DHRS7: variants seen among roughly 807,000 people sequenced by gnomAD.
DHRS7 encodes the protein dehydrogenase/reductase 7, also known as dehydrogenase/reductase SDR family member 7.
DHRS7 carries 34 observed loss-of-function variants against 38.9 expected under a neutral mutation model. The ratio of observed to expected loss-of-function variants is 0.87; its 90% CI spans 0.66 to 1.16. The LOEUF is 1.16. Ranked by LOEUF, DHRS7 falls within the 50% of genes most tolerant of loss-of-function variation. The probability of loss-of-function intolerance (pLI) is 0.00; values close to 1 mark genes in which losing one functional copy is unlikely to be tolerated. For missense variants in DHRS7, 421 were observed against 407.0 expected, an observed-to-expected ratio of 1.03 and a Z score of -0.30; for synonymous variants, 158 against 153.1, an observed-to-expected ratio of 1.03 and a Z score of -0.24.
chr14:60,155,551 T>C (rs1368650158), intron 2 of DHRS7, among the ~76,000 whole-genome samples: 1 of 152,214 alleles, frequency 6.6e-6, no homozygotes, highest in Non-Finnish European at 1.5e-5. Context: ...TTGTATTTTT[T>C]AAAGCTAATT....
intron 6 of DHRS7, chr14:60,147,875 C>G (rs1248692510): frequency 6.6e-6 from 1 of 152,232 alleles, no homozygotes; most frequent in African/African-American, 2.4e-5. Context: ...TCAACTCTTT[C>G]CATCACTGGG....
In DHRS7 at chr14:60,156,036, C is replaced by G; in HGVS notation, c.250G>C (p.Val84Leu). Residue 84 changes from valine to leucine, a missense_variant, in exon 2 of 7, where the codon GTG (valine) becomes CTG (leucine). Val to Leu is a conservative substitution (Grantham distance 32). Coordinates refer to ENST00000557185, the MANE Select transcript of DHRS7 (RefSeq NM_016029.4). ...GVSLVLSARR[V>L]HELERVKRRC... ...CTTTTCACCCTTTCCAGCTCATGCACTCTTCTGGCTGACAGCACAAGAGAA... is the reference window on the plus strand; with the variant it reads ...CTTTTCACCCTTTCCAGCTCATGCAGTCTTCTGGCTGACAGCACAAGAGAA... 6.3e-7 allele frequency: 1 copy of G among 1,595,590 alleles called. No individual in the cohort carries two copies. The highest frequency in any genetic ancestry group is 8.5e-7 in the Non-Finnish European group (1 of 1,171,406).
In DHRS7 at chr14:60,153,275, GA is replaced by G; in HGVS notation, c.394-98del. 7.4e-7 allele frequency: 1 copy of G among 1,343,512 alleles called. No individual in the cohort carries two copies. The highest frequency in any genetic ancestry group is 1.0e-6 in the Non-Finnish European group (1 of 972,830). The allele number at this position is 1,343,512 out of a possible 1,614,324, so 83.2% of individuals were successfully genotyped here. A position where few individuals can be genotyped will look rare whatever the true frequency, so the allele number is the denominator to read the frequency against. On this transcript the variant is annotated intron_variant, in intron 3 of 6. Transcript: ENST00000557185. This position sits in a 1 kb window ranked among gnomAD's most constrained non-coding sequence, Gnocchi z 4.4. ...TGGTTGGTTATTTTGTTAACTTAAA[GA>G]ATCAATGGAACAATGGTATATTTCC... is the stretch of plus-strand genomic sequence containing the variant.
At chr14:60,163,271 A>C (rs965906104) in intron 1 of DHRS7, among the ~76,000 whole-genome samples, 10 of 152,276 alleles carry the variant, frequency 6.6e-5, no homozygotes, top group Non-Finnish European at 4.4e-5. Flanking sequence ...ATGTTAAATT[A>C]AAATTTAAAA....
chr14:60,165,346 G>A lies in DHRS7; in HGVS notation c.-37C>T. ...ACGCCCAGCTCGGGGGGAAGAAGAC[G>A]GCCCGCACCAGAGTCGCGTCGCTGC... is the stretch of plus-strand genomic sequence containing the variant. On this transcript the variant is annotated 5_prime_UTR_variant, in exon 1 of 7. Transcript: ENST00000557185. The surrounding 1 kb of genome is among the most constrained non-coding windows in gnomAD (Gnocchi z 4.6). 1 of 1,550,832 alleles carries A rather than the reference G, an allele frequency of 6.4e-7. No individual in the cohort carries two copies. Among genetic ancestry groups the A allele is most frequent in the Non-Finnish European group, 8.7e-7 (1 of 1,153,002 alleles).
At chr14:60,168,092 G>T (rs372629244), upstream of DHRS7, among the ~76,000 whole-genome samples, 38 of 152,254 alleles carry the variant, frequency 2.5e-4, no homozygotes, top group African/African-American at 8.9e-4. Flanking sequence ...GGCAGACAAG[G>T]TCTTACCTAG....
At chr14:60,168,580 T>TAAAA, upstream of DHRS7, 1 of 1,325,462 alleles carries the variant, frequency 7.5e-7, no homozygotes, top group South Asian at 1.5e-5. Context: ...CATTTTAAAG[T>TAAAA]AAAAAGTTAA....
chr14:60,158,806 GC>G (rs1896708035), intron 1 of DHRS7, among the ~76,000 whole-genome samples: 1 of 152,214 alleles, frequency 6.6e-6, no homozygotes, highest in Non-Finnish European at 1.5e-5. Flanking sequence ...GGATGAGGAA[GC>G]TAATTATCTC....
intron 1 of DHRS7, among the ~76,000 whole-genome samples, chr14:60,159,966 T>C (rs564544911): frequency 6.6e-6 from 1 of 152,372 alleles, no homozygotes; most frequent in African/African-American, 2.4e-5. Context: ...AAAAAGAGAC[T>C]ATAAAAATGA....
At chr14:60,159,605 G>A (rs1232623942) in intron 1 of DHRS7, among the ~76,000 whole-genome samples, 1 of 152,112 alleles carries the variant, frequency 6.6e-6, no homozygotes, top group Non-Finnish European at 1.5e-5. Flanking sequence ...GCTCTGATTT[G>A]TGGGTTTAGC....
chr14:60,166,066 A>C (rs1896863298), upstream of DHRS7: 1 of 311,436 alleles, frequency 3.2e-6, no homozygotes, highest in South Asian at 1.3e-4. Flanking sequence ...TGTAAACAGC[A>C]AATAAAAACA....
Position 60,165,336 on chromosome 14 carries a change from G to T in DHRS7, c.-27C>A, listed in dbSNP as rs1157962787. On this transcript the variant is annotated 5_prime_UTR_variant, in exon 1 of 7. Transcript: ENST00000557185. The surrounding 1 kb of genome is among the most constrained non-coding windows in gnomAD (Gnocchi z 4.6). ...GCGGCCGCGCACGCCCAGCTCGGGG[G>T]GAAGAAGACGGCCCGCACCAGAGTC... is the stretch of plus-strand genomic sequence containing the variant. The T allele has an allele frequency of 2.6e-5, 40 of 1,555,942 alleles. No homozygotes were observed. Among genetic ancestry groups the T allele is most frequent in the Non-Finnish European group, 3.3e-5 (38 of 1,155,540 alleles).
In DHRS7 at chr14:60,148,927, AT is replaced by A. The variant is rs1896470163; in HGVS notation, c.972+425del. On this transcript the variant is annotated intron_variant, in intron 6 of 6. Coordinates refer to ENST00000557185, the MANE Select transcript of DHRS7 (RefSeq NM_016029.4). The surrounding 1 kb of genome is among the most constrained non-coding windows in gnomAD (Gnocchi z 4.8). ...CAAAATATATGCATGGGGATAAAATATTTTTTATTTATTTTTCTTTATATCA... is the reference window on the plus strand; with the variant it reads ...CAAAATATATGCATGGGGATAAAATATTTTTATTTATTTTTCTTTATATCA... 1.3e-5 allele frequency: 2 copies of A among 159,730 alleles called. No individual in the cohort carries two copies. The highest frequency in any genetic ancestry group is 1.3e-4 in the Admixed American group (2 of 15,786). The allele number at this position is 159,730 out of a possible 1,614,324, so 9.9% of individuals were successfully genotyped here. A position where few individuals can be genotyped will look rare whatever the true frequency, so the allele number is the denominator to read the frequency against.
At chr14:60,167,198 A>G (rs1275557704), upstream of DHRS7, among the ~76,000 whole-genome samples, 1 of 152,244 alleles carries the variant, frequency 6.6e-6, no homozygotes, top group Admixed American at 6.5e-5. Flanking sequence ...ATTATTACAC[A>G]TTGTATGCCT....
upstream of DHRS7, among the ~76,000 whole-genome samples, chr14:60,166,637 C>T (rs1285754572): frequency 1.5e-5 from 2 of 136,416 alleles, no homozygotes; most frequent in Non-Finnish European, 3.0e-5. Context: ...AAACCCCCTA[C>T]CTGCCTCCCC....
intron 1 of DHRS7, among the ~76,000 whole-genome samples, chr14:60,159,579 A>G (rs1896722128): frequency 6.6e-6 from 1 of 152,198 alleles, no homozygotes; most frequent in African/African-American, 2.4e-5. Context: ...CTTAAGATGA[A>G]TGTTTTATCA....
intron 4 of DHRS7, among the ~76,000 whole-genome samples, chr14:60,152,493 A>G (rs1896565578): frequency 1.3e-5 from 2 of 152,206 alleles, no homozygotes; most frequent in Non-Finnish European, 2.9e-5. Flanking sequence ...ATAAACACCA[A>G]CTACAAGGGG....
rs1264348877 is a variant in DHRS7, at chr14:60,165,011, T to TA, written c.133+165_133+166insT. On this transcript the variant is annotated intron_variant, in intron 1 of 6. Transcript: ENST00000557185. This position sits in a 1 kb window ranked among gnomAD's most constrained non-coding sequence, Gnocchi z 4.6. ...AAGGGGCTTTTTAGCCCTCGCCTCT[T>TA]CCTCCCCAACCCGCAGCCCCTGCGT... Among the ~76,000 whole-genome samples the TA allele has an allele frequency of 6.6e-6, 1 of 152,128 alleles. No individual in the cohort carries two copies. Among genetic ancestry groups the TA allele is most frequent in the Non-Finnish European group, 1.5e-5 (1 of 68,006 alleles).
At chr14:60,160,063 C>T (rs970937730) in intron 1 of DHRS7, among the ~76,000 whole-genome samples, 2 of 152,168 alleles carry the variant, frequency 1.3e-5, no homozygotes, top group East Asian at 3.8e-4. Context: ...CAGTGGCTCA[C>T]GCCTGTAATC....
Sources: allele counts gnomAD v4.1 joint callset (sites outside exome capture counted in the v4.1 genomes callset), GRCh38; gene constraint gnomAD v4.1.1; non-coding constraint Gnocchi (gnomAD v3.1); transcripts MANE v1.5; gene names NCBI Gene and HGNC (gene_info 2026-07-23, HGNC 2026-07-21).